The following UGGT2 variants were observed in gnomAD, a reference collection of about 807,000 sequenced individuals.
UGGT2 encodes the protein UDP-glucose glycoprotein glucosyltransferase 2, also known as UDP-glucose:glycoprotein glucosyltransferase 2.
A neutral mutation model predicts 192.1 loss-of-function variants in UGGT2; 180 were observed. That is an observed-to-expected ratio of 0.94 (90% CI 0.83 to 1.06). The LOEUF (loss-of-function observed/expected upper bound fraction) is 1.06. Ranked by LOEUF, UGGT2 falls within the 50% of genes least tolerant of loss-of-function variation. The pLI is 0.00. For missense variants in UGGT2, 1,849 were observed against 1,795.7 expected (o/e 1.03, Z -0.54); for synonymous variants, 580 against 591.0 (o/e 0.98, Z 0.27).
intron 33 of UGGT2, among the ~76,000 whole-genome samples, chr13:95,858,675 A>G (rs1566599605): frequency 6.6e-6 from 1 of 152,164 alleles, no homozygotes; most frequent in Non-Finnish European, 1.5e-5. Flanking sequence ...TTTTGCTATA[A>G]AAACTGTAAC....
At chr13:95,813,803 TGGTCCAGGCCCA>T (rs891453748) in intron 38 of UGGT2, among the ~76,000 whole-genome samples, 1 of 152,200 alleles carries the variant, frequency 6.6e-6, no homozygotes, top group Non-Finnish European at 1.5e-5. Context: ...AATGGTTTCA[TGGTCCAGGCCCA>T]GGGTCCTGCT....
At chr13:95,863,265 T>G (rs1890327462) in intron 31 of UGGT2, among the ~76,000 whole-genome samples, 1 of 152,206 alleles carries the variant, frequency 6.6e-6, no homozygotes, top group Non-Finnish European at 1.5e-5. Flanking sequence ...CTTTCTTTTC[T>G]TTGAGGAACA....
chr13:95,904,271 A>C (rs891405965), intron 20 of UGGT2, among the ~76,000 whole-genome samples: 1 of 152,108 alleles, frequency 6.6e-6, no homozygotes, highest in Admixed American at 6.6e-5. Flanking sequence ...TCTACTCTAA[A>C]GTAAAAAAGA....
At chr13:96,040,982 C>T (rs1038878122) in intron 1 of UGGT2, among the ~76,000 whole-genome samples, 1 of 152,154 alleles carries the variant, frequency 6.6e-6, no homozygotes, top group African/African-American at 2.4e-5. Context: ...AAGCTAGAAT[C>T]AGGTATTAAA....
intron 1 of UGGT2, among the ~76,000 whole-genome samples, chr13:96,040,462 C>T (rs576106208): frequency 6.6e-6 from 1 of 152,254 alleles, no homozygotes; most frequent in South Asian, 2.1e-4. Context: ...AAGATGATCT[C>T]ATCTCAAGAT....
chr13:95,994,029 GT>G (rs1286208100), intron 7 of UGGT2, among the ~76,000 whole-genome samples: 1 of 152,050 alleles, frequency 6.6e-6, no homozygotes, highest in East Asian at 1.9e-4. Context: ...ATGGTAATCT[GT>G]AGTACAGAAA....
At chr13:96,016,210 A>C (rs930135931) in intron 4 of UGGT2, among the ~76,000 whole-genome samples, 2 of 152,198 alleles carry the variant, frequency 1.3e-5, no homozygotes, top group Non-Finnish European at 2.9e-5. Context: ...AGTTTGAAAA[A>C]TTTGCAGCCC....
chr13:95,935,971 C>A (rs1197275656), intron 17 of UGGT2, among the ~76,000 whole-genome samples: 1 of 152,098 alleles, frequency 6.6e-6, no homozygotes. Flanking sequence ...GGACTAGAGG[C>A]ACTCATCACC....
intron 17 of UGGT2, among the ~76,000 whole-genome samples, chr13:95,931,176 T>G (rs1223064052): frequency 6.6e-6 from 1 of 152,250 alleles, no homozygotes; most frequent in South Asian, 2.1e-4. Flanking sequence ...GCCACAAAAG[T>G]TCTCCAAGTC....
At chr13:95,924,143 T>C (rs2048937920) in intron 20 of UGGT2, among the ~76,000 whole-genome samples, 1 of 152,188 alleles carries the variant, frequency 6.6e-6, no homozygotes, top group African/African-American at 2.4e-5. Flanking sequence ...TACTTGGGTT[T>C]TGAAAATCTT....
chr13:95,829,027 A>G (rs1886361874), intron 38 of UGGT2, among the ~76,000 whole-genome samples: 1 of 152,234 alleles, frequency 6.6e-6, no homozygotes, highest in South Asian at 2.1e-4. Context: ...ACACAAATCA[A>G]TAAACGTAAT....
chr13:95,905,920 T>C (rs2048276842), intron 20 of UGGT2, among the ~76,000 whole-genome samples: 1 of 152,200 alleles, frequency 6.6e-6, no homozygotes, highest in Non-Finnish European at 1.5e-5. Flanking sequence ...TGTCAAAGAT[T>C]ACCCTTACTG....
rs772576679 is a variant in UGGT2 at position 95,927,244 on chromosome 13, G to A, written c.2070C>T (p.Asn690=). The change falls in exon 18 of 39, where the codon AAC becomes AAT. Residue 690 remains asparagine (N), a synonymous_variant. Coordinates refer to ENST00000376747, the MANE Select transcript of UGGT2 (RefSeq NM_020121.4). ...PRINTLILRT[N]QQYLNLISTS... ...TAGATATTAAATTGAGGTACTGCTGGTTAGTACGCAAAATCAAAGTATTTA... is the reference window on the plus strand; with the variant it reads ...TAGATATTAAATTGAGGTACTGCTGATTAGTACGCAAAATCAAAGTATTTA... 6.2e-7 allele frequency: 1 copy of A among 1,612,046 alleles called. No homozygotes were observed.
intron 1 of UGGT2, 57 bp downstream of exon 1, chr13:96,053,098 G>A (rs2139257673): frequency 1.4e-6 from 2 of 1,407,718 alleles, no homozygotes; most frequent in Admixed American, 3.1e-5. Context: ...AAGAAAGCGC[G>A]GCTGAGGGTG....
intron 20 of UGGT2, among the ~76,000 whole-genome samples, chr13:95,923,151 A>C (rs1241729935): frequency 6.6e-6 from 1 of 152,112 alleles, no homozygotes; most frequent in Non-Finnish European, 1.5e-5. Flanking sequence ...TCCTGGGCTC[A>C]AGTGATCCTC....
intron 2 of UGGT2, among the ~76,000 whole-genome samples, chr13:96,028,961 C>T (rs1217097971): frequency 2.0e-5 from 3 of 150,740 alleles, no homozygotes; most frequent in East Asian, 2.0e-4. Flanking sequence ...CTGGCTAACA[C>T]GGTGAAACCC....
chr13:95,841,924 T>C (rs943338893), intron 36 of UGGT2, among the ~76,000 whole-genome samples: 2 of 152,194 alleles, frequency 1.3e-5, no homozygotes, highest in South Asian at 2.1e-4. Context: ...TTGTCTAGCA[T>C]AGTTGTTAAA....
At chr13:96,017,922 C>T (rs1348148254) in intron 4 of UGGT2, among the ~76,000 whole-genome samples, 13 of 152,158 alleles carry the variant, frequency 8.5e-5, no homozygotes, top group Admixed American at 7.9e-4. Flanking sequence ...CAGTCCCTGA[C>T]ACTAAATTTT....
chr13:95,865,697 T>C (rs1168407271), intron 30 of UGGT2, among the ~76,000 whole-genome samples: 1 of 152,078 alleles, frequency 6.6e-6, no homozygotes, highest in Non-Finnish European at 1.5e-5. Context: ...CTGAAATACC[T>C]AGGGTATGGG....
Sources: allele counts gnomAD v4.1 joint callset (sites outside exome capture counted in the v4.1 genomes callset), GRCh38; gene constraint gnomAD v4.1.1; transcripts MANE v1.5; gene names NCBI Gene and HGNC (gene_info 2026-07-23, HGNC 2026-07-21).